Variants in AFAP1L2 observed in about 807,000 individuals in gnomAD.
The protein encoded by AFAP1L2 is actin filament-associated protein 1-like 2.
A neutral mutation model predicts 99.3 loss-of-function variants in AFAP1L2; 46 were observed. The ratio of observed to expected loss-of-function variants is 0.46; its 90% CI spans 0.37 to 0.59. AFAP1L2 has a LOEUF of 0.59. AFAP1L2 is among the 20% of genes least tolerant of loss of function. AFAP1L2 has a pLI of 0.00. For missense variants in AFAP1L2, 959 were observed against 1,034.9 expected, an observed-to-expected ratio of 0.93 and a Z score of 1.01; for synonymous variants, 397 against 419.1, an observed-to-expected ratio of 0.95 and a Z score of 0.64.
the AFAP1L2 span, chr10:114,284,764 C>T: frequency 8.5e-7 from 1 of 1,179,600 alleles, no homozygotes; most frequent in Non-Finnish European, 1.2e-6. Flanking sequence ...GGCTGGGCCA[C>T]TGCTAGAGCA....
At chr10:114,333,124 C>G in intron 3 of AFAP1L2, 97 bp downstream of exon 3, 2 of 1,154,230 alleles carry the variant, frequency 1.7e-6, no homozygotes, top group South Asian at 2.7e-5. Context: ...GTCTGTGTGC[C>G]GGCTGGGAGG....
At chr10:114,313,618 G>A (rs1352943784) in intron 7 of AFAP1L2, among the ~76,000 whole-genome samples, 2 of 152,152 alleles carry the variant, frequency 1.3e-5, no homozygotes, top group African/African-American at 4.8e-5. Flanking sequence ...GGAGGAGGGG[G>A]ATGCCTCACT....
At chr10:114,293,337 T>C (rs561155193), downstream of AFAP1L2, among the ~76,000 whole-genome samples, 1 of 152,364 alleles carries the variant, frequency 6.6e-6, no homozygotes, top group South Asian at 2.1e-4. Flanking sequence ...AACCATGTTA[T>C]AATGTAGGCT....
At chr10:114,391,323 G>A (rs1288502490) in intron 1 of AFAP1L2, among the ~76,000 whole-genome samples, 5 of 151,970 alleles carry the variant, frequency 3.3e-5, no homozygotes, top group African/African-American at 9.7e-5. Flanking sequence ...GGATTCAAGC[G>A]ATTCTCCTGC....
intron 1 of AFAP1L2, among the ~76,000 whole-genome samples, chr10:114,376,121 T>C (rs1225465495): frequency 1.3e-5 from 2 of 152,166 alleles, no homozygotes; most frequent in African/African-American, 4.8e-5. Flanking sequence ...TCCTCCTACC[T>C]CTGCCAAAAA....
chr10:114,323,592 T>A (rs965096841), intron 4 of AFAP1L2, among the ~76,000 whole-genome samples: 2 of 152,108 alleles, frequency 1.3e-5, no homozygotes, highest in South Asian at 4.1e-4. Flanking sequence ...GTCCAGAGAG[T>A]GCCCGGCTGT....
the AFAP1L2 span, chr10:114,286,206 C>A: frequency 3.8e-5 from 61 of 1,613,840 alleles, no homozygotes; most frequent in Non-Finnish European, 5.0e-5. Context: ...CCCACCCTGA[C>A]GGGCAGTGCC....
intron 1 of AFAP1L2, among the ~76,000 whole-genome samples, chr10:114,400,652 G>A (rs2058147002): frequency 6.6e-6 from 1 of 152,204 alleles, no homozygotes; most frequent in South Asian, 2.1e-4. Flanking sequence ...TCCAGGTGAG[G>A]AAAGTGTATA....
the AFAP1L2 span, chr10:114,286,486 G>A: frequency 6.3e-7 from 1 of 1,587,140 alleles, no homozygotes; most frequent in Non-Finnish European, 8.6e-7. Context: ...AGCTGCAGGG[G>A]AAGCTGTGCA....
At chr10:114,354,635 G>C (rs1487355281) in intron 1 of AFAP1L2, among the ~76,000 whole-genome samples, 2 of 152,110 alleles carry the variant, frequency 1.3e-5, no homozygotes, top group Non-Finnish European at 2.9e-5. Flanking sequence ...TTTGCTATAT[G>C]GGCTTTGGGA....
Position 114,340,700 on chromosome 10 carries a change from G to C in AFAP1L2, c.48C>G (p.Asp16Glu). The C allele has an allele frequency of 5.6e-6, 9 of 1,614,214 alleles. No individual in the cohort carries two copies. Among genetic ancestry groups the C allele is most frequent in the Non-Finnish European group, 7.6e-6 (9 of 1,180,034 alleles). ...TCTCCTGGTCAAGAATCTTGAGGAA[G>C]TCATCCAACTCTGTCAGCAGCTGTT... ...ALEQLLTELD[D>E]FLKILDQENL... The change falls in exon 2 of 19, where the codon GAC becomes GAG. Residue 16 changes from aspartate (D) to glutamate (E), a missense_variant. Physicochemically the swap from Asp to Glu is conservative, Grantham distance 45. Transcript: ENST00000304129.
At chr10:114,400,461 G>A (rs2058121839) in intron 1 of AFAP1L2, among the ~76,000 whole-genome samples, 1 of 152,206 alleles carries the variant, frequency 6.6e-6, no homozygotes, top group Admixed American at 6.5e-5. Context: ...CAAACCCTGA[G>A]CTTAGGATTT....
chr10:114,345,852 A>G (rs959177025), intron 1 of AFAP1L2, among the ~76,000 whole-genome samples: 1 of 152,202 alleles, frequency 6.6e-6, no homozygotes, highest in African/African-American at 2.4e-5. Flanking sequence ...GGACCTGCCG[A>G]TGTGGGCACT....
chr10:114,402,434 A>G (rs1485686078), intron 1 of AFAP1L2, among the ~76,000 whole-genome samples: 1 of 152,238 alleles, frequency 6.6e-6, no homozygotes, highest in Non-Finnish European at 1.5e-5. Flanking sequence ...CCAGCGAGAC[A>G]AAATAAAGAT....
At chr10:114,286,023 G>A in the AFAP1L2 span, 42 of 1,614,112 alleles carry the variant, frequency 2.6e-5, no homozygotes, top group African/African-American at 1.1e-4. Context: ...GGCTTCCTGC[G>A]GGCCAAAGTC....
At chr10:114,337,918 A>G (rs986622251) in intron 2 of AFAP1L2, among the ~76,000 whole-genome samples, 18 of 152,158 alleles carry the variant, frequency 1.2e-4, no homozygotes, top group African/African-American at 4.1e-4. Context: ...TTTGTAATGT[A>G]GATTTCCCAT....
the AFAP1L2 span, among the ~76,000 whole-genome samples, chr10:114,287,262 C>T: frequency 1.7e-4 from 26 of 152,254 alleles, no homozygotes; most frequent in East Asian, 4.1e-3. Flanking sequence ...CTCACTGCAG[C>T]CTTGAACTCC....
Position 114,363,304 on chromosome 10 carries a change from G to A in AFAP1L2, c.17-22573C>T, listed in dbSNP as rs139866318. 26 of 418,042 alleles carry A rather than the reference G, an allele frequency of 6.2e-5. 1 individual carries two copies. The highest frequency in any genetic ancestry group is 5.0e-4 in the African/African-American group (23 of 46,308). The allele number at this position is 418,042 out of a possible 1,614,324, so 25.9% of individuals were successfully genotyped here. On this transcript the variant is annotated intron_variant, in intron 1 of 18. Coordinates refer to ENST00000304129, the MANE Select transcript of AFAP1L2 (RefSeq NM_001001936.3). ...GTAGCCTGCAGAATTCACGACACAC[G>A]CTCTGAGGCAGCGTTTCACTGGCCC...
chr10:114,360,030 G>C (rs1590529986), intron 1 of AFAP1L2, among the ~76,000 whole-genome samples: 1 of 152,298 alleles, frequency 6.6e-6, no homozygotes, highest in Middle Eastern at 3.4e-3. Flanking sequence ...GGGTCACAGG[G>C]TGCCCAGGCA....
Sources: allele counts gnomAD v4.1 joint callset (sites outside exome capture counted in the v4.1 genomes callset), GRCh38; gene constraint gnomAD v4.1.1; transcripts MANE v1.5; gene names NCBI Gene and HGNC (gene_info 2026-07-23, HGNC 2026-07-21).